The following NTSR1 variants were observed in gnomAD, a reference collection of about 807,000 sequenced individuals.
NTSR1 encodes the protein neurotensin receptor type 1.
In NTSR1, 29 loss-of-function variants were observed where a neutral mutation model predicts 31.2. The observed-to-expected ratio is 0.93, with a 90% confidence interval of 0.69 to 1.27. The LOEUF (loss-of-function observed/expected upper bound fraction) is 1.27. Ranked by LOEUF, NTSR1 falls within the 50% of genes most tolerant of loss-of-function variation. The pLI is 0.00. For missense variants in NTSR1, 697 were observed against 595.4 expected (o/e 1.17, Z -1.78); for synonymous variants, 282 against 269.9 (o/e 1.04, Z -0.44).
At chr20:62,717,672 G>A (rs1988756316) in intron 1 of NTSR1, among the ~76,000 whole-genome samples, 1 of 152,180 alleles carries the variant, frequency 6.6e-6, no homozygotes, top group Non-Finnish European at 1.5e-5. Context: ...CGCTTGGGAG[G>A]GCTGGGAGCC....
intron 1 of NTSR1, among the ~76,000 whole-genome samples, chr20:62,718,563 C>A (rs1988776525): frequency 6.6e-6 from 1 of 151,074 alleles, no homozygotes; most frequent in East Asian, 2.0e-4. Flanking sequence ...CGCCCCTCCA[C>A]CCACTGGTCC....
chr20:62,759,994 C>G (rs756871895), intron 3 of NTSR1, 24 bp from the exon 4 acceptor site: 1 of 1,609,928 alleles, frequency 6.2e-7, no homozygotes, highest in South Asian at 1.1e-5. Context: ...TCTCTGGGAT[C>G]TGAGCGCCTC....
In NTSR1 at chr20:62,758,250, C is replaced by T. The variant is rs377619903; in HGVS notation, c.917-16C>T. 10 of 1,581,884 alleles carry T rather than the reference C, an allele frequency of 6.3e-6. No homozygotes were observed. Among genetic ancestry groups the T allele is most frequent in the East Asian group, 4.6e-5 (2 of 43,288 alleles). On this transcript the variant is annotated splice_polypyrimidine_tract_variant and intron_variant, in intron 2 of 3. Coordinates refer to ENST00000370501, the MANE Select transcript of NTSR1 (RefSeq NM_002531.3). The surrounding 1 kb of genome is among the most constrained non-coding windows in gnomAD (Gnocchi z 4.5). ...CAGGTGCAGTGGGTCTCTGAGCCCACGTCTCTGTGCCTCAGGTGCAGTGGT... is the reference window on the plus strand; with the variant it reads ...CAGGTGCAGTGGGTCTCTGAGCCCATGTCTCTGTGCCTCAGGTGCAGTGGT...
chr20:62,716,153 C>A (rs1205970268), intron 1 of NTSR1, among the ~76,000 whole-genome samples: 3 of 152,206 alleles, frequency 2.0e-5, no homozygotes, highest in East Asian at 1.9e-4. Context: ...ACCTCCAGAA[C>A]CTTCTCTCTC....
At chr20:62,759,750 G>A (rs1047925678) in intron 3 of NTSR1, among the ~76,000 whole-genome samples, 5 of 148,864 alleles carry the variant, frequency 3.4e-5, no homozygotes, top group Middle Eastern at 3.5e-3. Flanking sequence ...ACTCCAGCCT[G>A]GGAGACAGAG....
Position 62,741,455 on chromosome 20 carries a change from C to G in NTSR1, c.715-13230C>G, listed in dbSNP as rs373451940. ...GCTCAGAGGACGGGTCTGCAGGTGG[C>G]CAGAGTTCTCCTGATGGGGTCCTTG... On this transcript the variant is annotated intron_variant, in intron 1 of 3. Coordinates refer to ENST00000370501, the MANE Select transcript of NTSR1 (RefSeq NM_002531.3). This position sits in a 1 kb window ranked among gnomAD's most constrained non-coding sequence, Gnocchi z 4.3. Among the ~76,000 whole-genome samples the G allele has an allele frequency of 6.7e-6, 1 of 149,626 alleles. No homozygotes were observed. The highest frequency in any genetic ancestry group is 1.5e-5 in the Non-Finnish European group (1 of 68,000).
chr20:62,760,287 G>C lies in NTSR1; in HGVS notation c.*20G>C. The C allele has an allele frequency of 6.3e-7, 1 of 1,585,276 alleles. No homozygotes were observed. The highest frequency in any genetic ancestry group is 8.6e-7 in the Non-Finnish European group (1 of 1,163,408). On this transcript the variant is annotated 3_prime_UTR_variant, in exon 4 of 4. Transcript: ENST00000370501. ...TACTAGGCTGTGCGCCCCGGAACGT[G>C]TCCAGGAGGAGCCTGGCCATGGGTC...
intron 1 of NTSR1, among the ~76,000 whole-genome samples, chr20:62,719,094 C>T (rs549077816): frequency 7.4e-5 from 11 of 148,404 alleles, no homozygotes; most frequent in African/African-American, 2.7e-4. Flanking sequence ...GACATCCTTG[C>T]CTTGCTTCCA....
chr20:62,709,775 A>G lies in NTSR1; in HGVS notation c.568A>G (p.Ser190Gly), dbSNP rs778566374. 1 of 1,612,990 alleles carries G rather than the reference A, an allele frequency of 6.2e-7. No homozygotes were observed. Among genetic ancestry groups the G allele is most frequent in the East Asian group, 2.2e-5 (1 of 44,864 alleles). ...CCGAAGCCGCACCAAGAAGTTCATC[A>G]GCGCCATCTGGCTCGCCTCGGCCCT... ...MSRSRTKKFISAIWLASALLA... is the reference protein window; with the variant it reads ...MSRSRTKKFIGAIWLASALLA... Residue 190 changes from serine (S) to glycine (G), a missense_variant, in exon 1 of 4, where the codon AGC becomes GGC. Physicochemically the swap from Ser to Gly is moderately conservative, Grantham distance 56. Transcript: ENST00000370501.
intron 1 of NTSR1, among the ~76,000 whole-genome samples, chr20:62,749,865 C>T (rs768137266): frequency 3.9e-5 from 6 of 152,062 alleles, no homozygotes; most frequent in Non-Finnish European, 8.8e-5. Flanking sequence ...TAAATGGGTA[C>T]GGCTGTTACG....
intron 1 of NTSR1, among the ~76,000 whole-genome samples, chr20:62,748,175 C>CAAA (rs34449464): frequency 1.7e-3 from 138 of 78,882 alleles, no homozygotes; most frequent in African/African-American, 4.9e-3. Flanking sequence ...GAATCTGTCT[C>CAAA]AAAAAAAAAA....
At chr20:62,737,270 TGGCCACAGC>T (rs1469386349) in intron 1 of NTSR1, among the ~76,000 whole-genome samples, 2 of 152,168 alleles carry the variant, frequency 1.3e-5, no homozygotes, top group Non-Finnish European at 2.9e-5. Context: ...ATGGCTGTGT[TGGCCACAGC>T]GGCCACAGTG....
In NTSR1 at chr20:62,711,614, C is replaced by A. The variant is rs1185146455; in HGVS notation, c.714+1693C>A. Among the ~76,000 whole-genome samples, 3 of 144,890 alleles carry A rather than the reference C, an allele frequency of 2.1e-5. No homozygotes were observed. The highest frequency in any genetic ancestry group is 7.6e-5 in the African/African-American group (3 of 39,604). On this transcript the variant is annotated intron_variant, in intron 1 of 3. Coordinates refer to ENST00000370501, the MANE Select transcript of NTSR1 (RefSeq NM_002531.3). This position sits in a 1 kb window ranked among gnomAD's most constrained non-coding sequence, Gnocchi z 6.4. The stretch of plus-strand genomic sequence containing the variant: ...CGATCCCCCCGCTCAGAACCCCGAT[C>A]CCCCTGCTCCCCTGGCAAAAGGCCA...
At chr20:62,731,047 T>C (rs1988993660) in intron 1 of NTSR1, among the ~76,000 whole-genome samples, 1 of 152,174 alleles carries the variant, frequency 6.6e-6, no homozygotes, top group Admixed American at 6.6e-5. Context: ...TTTAACAGTG[T>C]CATTTTTAGA....
chr20:62,723,070 T>C (rs1406848407), intron 1 of NTSR1, among the ~76,000 whole-genome samples: 1 of 152,250 alleles, frequency 6.6e-6, no homozygotes, highest in Non-Finnish European at 1.5e-5. Context: ...TTTTAGCCTG[T>C]TGTCTGTGAA....
In NTSR1 at chr20:62,733,445, C is replaced by T. The variant is rs1989034866; in HGVS notation, c.715-21240C>T. Among the ~76,000 whole-genome samples the T allele has an allele frequency of 6.6e-6, 1 of 152,184 alleles. No individual in the cohort carries two copies. The highest frequency in any genetic ancestry group is 2.1e-4 in the South Asian group (1 of 4,828). Reference sequence around the variant, plus strand: ...TGGGCAGGGAGCCACTGGCAGCTCCCCAGTGGGAATCGTGCCTTCTAGTCC... The same window carrying T: ...TGGGCAGGGAGCCACTGGCAGCTCCTCAGTGGGAATCGTGCCTTCTAGTCC... On this transcript the variant is annotated intron_variant, in intron 1 of 3. Coordinates refer to ENST00000370501, the MANE Select transcript of NTSR1 (RefSeq NM_002531.3). The surrounding 1 kb of genome is among the most constrained non-coding windows in gnomAD (Gnocchi z 5.2).
chr20:62,718,058 C>G (rs1309142562), intron 1 of NTSR1, among the ~76,000 whole-genome samples: 1 of 152,094 alleles, frequency 6.6e-6, no homozygotes, highest in Non-Finnish European at 1.5e-5. Flanking sequence ...AGGGCAGGCA[C>G]GTGCTGGGGG....
chr20:62,722,796 G>A (rs1988845237), intron 1 of NTSR1, among the ~76,000 whole-genome samples: 3 of 152,330 alleles, frequency 2.0e-5, no homozygotes, highest in Admixed American at 6.5e-5. Flanking sequence ...CAATTTTATA[G>A]TTGTTTATGG....
At chr20:62,734,965 C>A (rs1176746657) in intron 1 of NTSR1, among the ~76,000 whole-genome samples, 1 of 152,206 alleles carries the variant, frequency 6.6e-6, no homozygotes, top group Non-Finnish European at 1.5e-5. Context: ...CCTCGGGTGG[C>A]TTTGGGGTGT....
Sources: allele counts gnomAD v4.1 joint callset (sites outside exome capture counted in the v4.1 genomes callset), GRCh38; gene constraint gnomAD v4.1.1; non-coding constraint Gnocchi (gnomAD v3.1); transcripts MANE v1.5; gene names NCBI Gene and HGNC (gene_info 2026-07-23, HGNC 2026-07-21).